Variants in ONECUT2 observed in about 807,000 individuals in gnomAD.
ONECUT2 encodes one cut homeobox 2, also known as one cut domain family member 2.
ONECUT2 carries 10 observed loss-of-function variants against 27.9 expected under a neutral mutation model. The ratio of observed to expected loss-of-function variants is 0.36; its 90% CI spans 0.22 to 0.61. The LOEUF (loss-of-function observed/expected upper bound fraction) is 0.61, where lower values mean the gene tolerates loss of function less well. ONECUT2 is among the 20% of genes least tolerant of loss of function. The pLI is 0.73. For synonymous variants in ONECUT2, 334 were observed against 315.1 expected, an observed-to-expected ratio of 1.06 and a Z score of -0.64; for missense variants, 686 against 721.0, an observed-to-expected ratio of 0.95 and a Z score of 0.56.
chr18:57,451,592 C>T (rs888844170), intron 1 of ONECUT2, among the ~76,000 whole-genome samples: 4 of 152,332 alleles, frequency 2.6e-5, no homozygotes, highest in Middle Eastern at 6.8e-3. Context: ...GAGTCCATAT[C>T]GCTAGCCCCA....
At chr18:57,441,224 G>A (rs189557211) in intron 1 of ONECUT2, among the ~76,000 whole-genome samples, 1 of 152,370 alleles carries the variant, frequency 6.6e-6, no homozygotes, top group Admixed American at 6.5e-5. Flanking sequence ...ATAATGTTTA[G>A]AAGATTAAAA....
At chr18:57,444,638 A>G (rs1389301354) in intron 1 of ONECUT2, among the ~76,000 whole-genome samples, 1 of 152,256 alleles carries the variant, frequency 6.6e-6, no homozygotes, top group Non-Finnish European at 1.5e-5. Context: ...ATTGATTTGC[A>G]TTTGTCAGAG....
chr18:57,442,438 A>G (rs887271568), intron 1 of ONECUT2, among the ~76,000 whole-genome samples: 1 of 152,178 alleles, frequency 6.6e-6, no homozygotes, highest in Non-Finnish European at 1.5e-5. Flanking sequence ...GGCAGAGGGT[A>G]GGCTGGTGTT....
intron 1 of ONECUT2, among the ~76,000 whole-genome samples, chr18:57,471,580 C>T (rs2050354100): frequency 6.6e-6 from 1 of 152,132 alleles, no homozygotes; most frequent in Non-Finnish European, 1.5e-5. Context: ...CCTTGTTTTA[C>T]CCTGGGAACC....
intron 1 of ONECUT2, among the ~76,000 whole-genome samples, chr18:57,447,044 A>G (rs2050203749): frequency 6.6e-6 from 1 of 152,252 alleles, no homozygotes; most frequent in Admixed American, 6.5e-5. Flanking sequence ...ATGCCAAATC[A>G]GCAAACTCGA....
chr18:57,447,932 C>G (rs997028734), intron 1 of ONECUT2, among the ~76,000 whole-genome samples: 2 of 152,168 alleles, frequency 1.3e-5, no homozygotes, highest in African/African-American at 4.8e-5. Context: ...GTCCCTGACC[C>G]CCTACGAAGG....
At chr18:57,459,189 C>T (rs1028265778) in intron 1 of ONECUT2, among the ~76,000 whole-genome samples, 3 of 151,990 alleles carry the variant, frequency 2.0e-5, no homozygotes, top group Non-Finnish European at 4.4e-5. Flanking sequence ...TTCAGGAAAC[C>T]CACTTCACCC....
At chr18:57,448,098 G>A (rs577060273) in intron 1 of ONECUT2, among the ~76,000 whole-genome samples, 1 of 152,300 alleles carries the variant, frequency 6.6e-6, no homozygotes, top group Non-Finnish European at 1.5e-5. Context: ...AAAAGAGATA[G>A]GAGAGTCCTT....
Position 57,436,710 on chromosome 18 carries a change from G to A in ONECUT2, c.994G>A (p.Glu332Lys). The A allele has an allele frequency of 1.9e-6, 3 of 1,613,798 alleles. No individual in the cohort carries two copies. The highest frequency in any genetic ancestry group is 2.5e-6 in the Non-Finnish European group (3 of 1,180,030). ...SQVATSGQLEEINTKEVAQRI... is the reference protein window; with the variant it reads ...SQVATSGQLEKINTKEVAQRI... The stretch of plus-strand genomic sequence containing the variant: ...GGTGGCCACGTCGGGCCAGCTGGAA[G>A]AAATCAACACCAAAGAGGTGGCCCA... The change falls in exon 1 of 2, where the codon GAA becomes AAA. Residue 332 changes from glutamate to lysine, a missense_variant. By Grantham distance (56) the Glu-to-Lys change is moderately conservative. Transcript: ENST00000491143. This position sits in a 1 kb window ranked among gnomAD's most constrained non-coding sequence, Gnocchi z 5.9.
rs79119967 is a variant in ONECUT2, at chr18:57,474,741, C to T, written c.1229-1696C>T. 3.6e-3 allele frequency among the ~76,000 whole-genome samples: 554 copies of T among 152,226 alleles called. 2 individuals carry two copies. The highest frequency in any genetic ancestry group is 0.021 in the East Asian group (108 of 5,182). The stretch of plus-strand genomic sequence containing the variant: ...TAAACATTCAGACACCGTAGCAGAC[C>T]GTCCACATAAGATGCTGCCTGCAGA... On this transcript the variant is annotated intron_variant, in intron 1 of 1. Transcript: ENST00000491143.
At chr18:57,446,509 C>T (rs2050201188) in intron 1 of ONECUT2, among the ~76,000 whole-genome samples, 2 of 152,108 alleles carry the variant, frequency 1.3e-5, no homozygotes, top group African/African-American at 4.8e-5. Context: ...TCAGGGCTTC[C>T]ACCGCCAGCA....
Position 57,480,976 on chromosome 18 carries a change from A to C in ONECUT2, c.*4253A>C, listed in dbSNP as rs907453235. 3.3e-5 allele frequency: 5 copies of C among 152,208 alleles called. No individual in the cohort carries two copies. The highest frequency in any genetic ancestry group is 1.2e-4 in the African/African-American group (5 of 41,452). 9.4% of individuals were successfully genotyped at this position (152,208 alleles called of 1,614,324 possible). On this transcript the variant is annotated 3_prime_UTR_variant, in exon 2 of 2. Transcript: ENST00000491143. ...AGTGTGAAGGAACAGTTCTCAGCCAAATTTCACATTCTTGAGGCAACAGAA... is the reference window on the plus strand; with the variant it reads ...AGTGTGAAGGAACAGTTCTCAGCCACATTTCACATTCTTGAGGCAACAGAA...
Position 57,483,747 on chromosome 18 carries a change from A to G in ONECUT2, c.*7024A>G, listed in dbSNP as rs2050426637. ...CTTCCCTCTTAAATTAACTTTTAAA[A>G]TAGTCTAAGTAACAATTTTTAAATT... On this transcript the variant is annotated 3_prime_UTR_variant, in exon 2 of 2. Transcript: ENST00000491143. The G allele has an allele frequency of 1.3e-5, 2 of 152,612 alleles. No homozygotes were observed. Among genetic ancestry groups the G allele is most frequent in the African/African-American group, 2.4e-5 (1 of 41,438 alleles). 9.5% of individuals were successfully genotyped at this position (152,612 alleles called of 1,614,324 possible). A position where few individuals can be genotyped will look rare whatever the true frequency, so the allele number is the denominator to read the frequency against.
intron 1 of ONECUT2, among the ~76,000 whole-genome samples, chr18:57,443,261 G>T (rs1052762672): frequency 2.0e-5 from 3 of 152,138 alleles, no homozygotes; most frequent in African/African-American, 7.2e-5. Flanking sequence ...AGAAATAATT[G>T]CCTGTATAAA....
Position 57,477,373 on chromosome 18 carries a change from A to G in ONECUT2, c.*650A>G, listed in dbSNP as rs2050389627. ...AACCCAGACATCTTTTCATTGAATG[A>G]TTTAGAAAGCTTTAAGTTGATCCAG... On this transcript the variant is annotated 3_prime_UTR_variant, in exon 2 of 2. Coordinates refer to ENST00000491143, the MANE Select transcript of ONECUT2 (RefSeq NM_004852.3). The G allele has an allele frequency of 6.6e-6, 1 of 152,248 alleles. No individual in the cohort carries two copies. Among genetic ancestry groups the G allele is most frequent in the African/African-American group, 2.4e-5 (1 of 41,286 alleles). 9.4% of individuals were successfully genotyped at this position (152,248 alleles called of 1,614,324 possible).
At chr18:57,465,995 T>A (rs1438063492) in intron 1 of ONECUT2, among the ~76,000 whole-genome samples, 1 of 152,210 alleles carries the variant, frequency 6.6e-6, no homozygotes, top group African/African-American at 2.4e-5. Context: ...CATCGAGGGC[T>A]CCTCTTGTAC....
intron 1 of ONECUT2, among the ~76,000 whole-genome samples, chr18:57,451,505 T>TG (rs139192714): frequency 1.2e-3 from 181 of 152,286 alleles, no homozygotes; most frequent in African/African-American, 4.1e-3. Flanking sequence ...AGCCTAGACA[T>TG]GGGTGTCACC....
intron 1 of ONECUT2, 83 bp from the exon 2 acceptor site, chr18:57,476,354 T>C (rs2050381573): frequency 4.2e-6 from 6 of 1,413,650 alleles, no homozygotes; most frequent in South Asian, 1.4e-5. Context: ...TACATCTCTT[T>C]GTACAACTTT....
At chr18:57,451,375 A>C (rs957643103) in intron 1 of ONECUT2, among the ~76,000 whole-genome samples, 3 of 152,164 alleles carry the variant, frequency 2.0e-5, no homozygotes, top group African/African-American at 7.2e-5. Context: ...TTCCTCTGAC[A>C]CTGAGGCAGA....
Sources: gnomAD v4.1 joint callset for allele counts (sites outside exome capture counted in the v4.1 genomes callset) on GRCh38, gnomAD v4.1.1 for gene constraint, Gnocchi (gnomAD v3.1) non-coding constraint, MANE v1.5 for transcripts, NCBI Gene and HGNC (gene_info 2026-07-23, HGNC 2026-07-21) for gene names.